Variants in ALG13 observed in about 807,000 individuals in gnomAD.
ALG13 encodes the protein ALG13 UDP-N-acetylglucosaminyltransferase subunit, also known as UDP-N-acetylglucosamine transferase subunit ALG13.
In ALG13, 11 loss-of-function variants were observed where a neutral mutation model predicts 87.8. That is an observed-to-expected ratio of 0.13 (90% CI 0.08 to 0.21). The LOEUF (loss-of-function observed/expected upper bound fraction) is 0.21, where lower values mean the gene tolerates loss of function less well. Among genes scored for constraint, ALG13 ranks in the 10% least tolerant of loss-of-function variants. The pLI, the probability that ALG13 is intolerant of heterozygous loss-of-function variation, is 1.00. For synonymous variants in ALG13, 320 were observed against 306.3 expected (o/e 1.04, Z -0.47); for missense variants, 756 against 866.1 (o/e 0.87, Z 1.60).
At position 111,759,989 on chromosome X, in the gene ALG13, A is replaced by G. The variant is rs771207661; in HGVS notation, c.3404A>G (p.Gln1135Arg). The G allele has an allele frequency of 4.6e-5, 56 of 1,208,105 alleles. No homozygotes were observed. Among genetic ancestry groups the G allele is most frequent in the Non-Finnish European group, 5.7e-5 (51 of 894,263 alleles). Residue 1135 changes from glutamine (Q) to arginine (R), a missense_variant, in exon 27 of 27, where the codon CAG becomes CGG. Gln to Arg is a conservative substitution (Grantham distance 43). This residue lies in a region of ALG13 where 110 missense variants were observed against 104.9 expected (regional missense o/e 1.05). Coordinates refer to ENST00000394780, the MANE Select transcript of ALG13 (RefSeq NM_001099922.3). ...PSPPASHYVP[Q>R]GM ...CCCCCAGCTTCTCATTATGTACCTC[A>G]GGGTATGTAAGATCCAGCAGTATGA... is the stretch of plus-strand genomic sequence containing the variant.
chrX:111,702,920 C>A (rs971640234), intron 3 of ALG13, among the ~76,000 whole-genome samples: 1 of 110,754 alleles, frequency 9.0e-6, no homozygotes, highest in Non-Finnish European at 1.9e-5. Flanking sequence ...GAAATAACTT[C>A]CCCTCTAATC....
At position 111,756,312 on chromosome X, in the gene ALG13, G is replaced by A. The variant is rs766905344; in HGVS notation, c.2974-1276G>A. Among the ~76,000 whole-genome samples the A allele has an allele frequency of 4.5e-5, 5 of 111,736 alleles. No individual in the cohort carries two copies. In the East Asian group the frequency reaches 1.1e-3, roughly 25 times the overall value. On this transcript the variant is annotated intron_variant, in intron 25 of 26. Coordinates refer to ENST00000394780, the MANE Select transcript of ALG13 (RefSeq NM_001099922.3). ...GCATTAGGACAAATACCTAATGTAG[G>A]TGACAGATTGATGGGTGTAGAAAAC... is the stretch of plus-strand genomic sequence containing the variant.
chrX:111,708,870 T>G, intron 4 of ALG13, 95 bp from the exon 5 acceptor site: 1 of 538,960 alleles, frequency 1.9e-6, no homozygotes, highest in Non-Finnish European at 2.9e-6. Flanking sequence ...ATGTTCTGAA[T>G]AAGGAAGCCT....
intron 26 of ALG13, 134 bp downstream of exon 26, chrX:111,757,896 T>A: frequency 3.4e-6 from 2 of 584,314 alleles, no homozygotes; most frequent in Non-Finnish European, 5.3e-6. Context: ...TGTGGACCTC[T>A]TGTGGTCCCT....
intron 1 of ALG13, 123 bp from the exon 2 acceptor site, chrX:111,682,009 A>G (rs1294612110): frequency 1.1e-6 from 1 of 873,908 alleles, no homozygotes; most frequent in African/African-American, 2.1e-5. Context: ...GAAATCGGCC[A>G]CAGATAGGCT....
chrX:111,720,173 T>A lies in ALG13; in HGVS notation c.1326+3T>A. The A allele has an allele frequency of 8.6e-7, 1 of 1,161,026 alleles. No individual in the cohort carries two copies. The highest frequency in any genetic ancestry group is 1.2e-6 in the Non-Finnish European group (1 of 866,383). Reference sequence around the variant, plus strand: ...ATAAAGGAACAGAAGAAACAAAGGTTTGATATTTTCTAAGGCAAAGAATTT... The same window carrying A: ...ATAAAGGAACAGAAGAAACAAAGGTATGATATTTTCTAAGGCAAAGAATTT... On this transcript the variant is annotated splice_donor_region_variant and intron_variant, in intron 11 of 26. Transcript: ENST00000394780.
intron 23 of ALG13, 197 bp downstream of exon 23, chrX:111,737,076 G>A (rs781488523): frequency 2.3e-5 from 8 of 344,914 alleles, no homozygotes; most frequent in East Asian, 1.5e-4. Context: ...TGAAAATTTC[G>A]TGCTGGTAAG....
intron 12 of ALG13, 33 bp downstream of exon 12, chrX:111,721,744 C>A: frequency 1.0e-6 from 1 of 1,002,104 alleles, no homozygotes; most frequent in Non-Finnish European, 1.4e-6. Context: ...CTTTTGAATC[C>A]TGACAAATCC....
At chrX:111,747,320 A>G (rs1338603447) in intron 24 of ALG13, among the ~76,000 whole-genome samples, 1 of 112,121 alleles carries the variant, frequency 8.9e-6, no homozygotes, top group Non-Finnish European at 1.9e-5. Context: ...CAGTCATGCA[A>G]TATATAGCCT....
chrX:111,739,872 G>A (rs1943595680), intron 23 of ALG13, among the ~76,000 whole-genome samples: 1 of 112,049 alleles, frequency 8.9e-6, no homozygotes, highest in Non-Finnish European at 1.9e-5. Context: ...TACTGTATTG[G>A]ACAGCAGAGA....
At chrX:111,684,652 C>A (rs778241303) in intron 2 of ALG13, among the ~76,000 whole-genome samples, 2 of 111,685 alleles carry the variant, frequency 1.8e-5, no homozygotes, top group South Asian at 7.6e-4. Flanking sequence ...GGGGTTATAC[C>A]CCGTCACAAG....
intron 19 of ALG13, among the ~76,000 whole-genome samples, chrX:111,729,924 A>G (rs1942488320): frequency 8.9e-6 from 1 of 112,423 alleles, no homozygotes; most frequent in African/African-American, 3.2e-5. Flanking sequence ...GTAAAGCACT[A>G]TGCTAAGTTA....
At chrX:111,684,690 A>G (rs1934483554) in intron 2 of ALG13, among the ~76,000 whole-genome samples, 1 of 112,049 alleles carries the variant, frequency 8.9e-6, no homozygotes, top group Admixed American at 9.4e-5. Context: ...GTTGAGGGTC[A>G]TTGGTACTAG....
intron 5 of ALG13, 54 bp downstream of exon 5, chrX:111,709,102 A>G (rs1485035124): frequency 2.6e-6 from 2 of 769,372 alleles, no homozygotes; most frequent in Non-Finnish European, 3.7e-6. Context: ...GCAGGTGGAA[A>G]AATAATTGTG....
intron 5 of ALG13, 38 bp from the exon 6 acceptor site, chrX:111,711,637 G>A (rs766078808): frequency 1.8e-6 from 2 of 1,138,422 alleles, no homozygotes; most frequent in Non-Finnish European, 2.4e-6. Context: ...CAGTAATGCT[G>A]TGTATTTGGT....
chrX:111,738,366 A>G (rs1943432306), intron 23 of ALG13, among the ~76,000 whole-genome samples: 1 of 112,047 alleles, frequency 8.9e-6, no homozygotes, highest in Non-Finnish European at 1.9e-5. Context: ...CTTGTTGAGC[A>G]TTCCTAATCT....
chrX:111,701,383 A>G (rs974169772), intron 3 of ALG13, among the ~76,000 whole-genome samples: 1 of 111,304 alleles, frequency 9.0e-6, no homozygotes, highest in Non-Finnish European at 1.9e-5. Context: ...CTCCTTCCTC[A>G]TTATTGGTCT....
chrX:111,709,685 CT>C (rs900487376), intron 5 of ALG13, among the ~76,000 whole-genome samples: 140 of 96,737 alleles, frequency 1.4e-3, no homozygotes, highest in Admixed American at 2.1e-3. Flanking sequence ...GCTTCCTTTT[CT>C]TTTTTTTTTT....
At chrX:111,690,048 A>G in intron 3 of ALG13, 1 of 744,590 alleles carries the variant, frequency 1.3e-6, no homozygotes, top group Non-Finnish European at 1.6e-6. Flanking sequence ...AGAATTGTAG[A>G]CTTTTGGAGT....
Sources: gnomAD v4.1 joint callset for allele counts (sites outside exome capture counted in the v4.1 genomes callset) on GRCh38, gnomAD v4.1.1 for gene constraint, gnomAD v4.1.1 regional missense constraint, MANE v1.5 for transcripts, NCBI Gene and HGNC (gene_info 2026-07-23, HGNC 2026-07-21) for gene names.